Variants in FAT1 observed in about 807,000 individuals in gnomAD.
The protein encoded by FAT1 is protocadherin Fat 1.
Under a neutral mutation model 329.8 loss-of-function variants are expected in FAT1, and 171 were observed. That is an observed-to-expected ratio of 0.52 (90% CI 0.46 to 0.59). The LOEUF (loss-of-function observed/expected upper bound fraction) is 0.59, where lower values mean the gene tolerates loss of function less well. Among genes scored for constraint, FAT1 ranks in the 20% least tolerant of loss-of-function variants. The pLI is 0.00. For synonymous variants in FAT1, 2,233 were observed against 2,228.6 expected (o/e 1.00, Z -0.06); for missense variants, 5,672 against 5,774.4 (o/e 0.98, Z 0.57).
At chr4:186,705,857 C>T (rs73015656) in intron 2 of FAT1, among the ~76,000 whole-genome samples, 31,813 of 152,082 alleles carry the variant, frequency 0.21, 4,120 homozygotes, top group African/African-American at 0.36. Flanking sequence ...GGAGTTTTCC[C>T]GTGTTATTTC....
At position 186,709,183 on chromosome 4, in the gene FAT1, G is replaced by T. The variant is rs1401098831; in HGVS notation, c.645C>A (p.Thr215=). ...CGAGGATTTCCATCTCATAGAGCTTGGTCTCTAGGTAATCAAGTCTACCAG... is the reference window on the plus strand; with the variant it reads ...CGAGGATTTCCATCTCATAGAGCTTTGTCTCTAGGTAATCAAGTCTACCAG... ...VLTGRLDYLE[T]KLYEMEILAA... Residue 215 remains threonine, a synonymous_variant, in exon 2 of 27, where the codon ACC becomes ACA. Transcript: ENST00000441802. 1.5e-5 allele frequency: 25 copies of T among 1,613,832 alleles called. No individual in the cohort carries two copies. Among genetic ancestry groups the T allele is most frequent in the Non-Finnish European group, 2.1e-5 (25 of 1,179,882 alleles).
intron 3 of FAT1, among the ~76,000 whole-genome samples, chr4:186,647,114 T>C (rs998603179): frequency 6.6e-6 from 1 of 152,188 alleles, no homozygotes; most frequent in Admixed American, 6.5e-5. Context: ...ATGAGAGACA[T>C]ATACGAAAGC....
chr4:186,604,805 A>G (rs1300485724), intron 17 of FAT1, among the ~76,000 whole-genome samples: 3 of 150,438 alleles, frequency 2.0e-5, no homozygotes, highest in South Asian at 4.2e-4. Context: ...GAAACATGGT[A>G]AGAAAGGGAG....
At chr4:186,699,949 T>C (rs958031830) in intron 2 of FAT1, among the ~76,000 whole-genome samples, 1 of 152,142 alleles carries the variant, frequency 6.6e-6, no homozygotes, top group African/African-American at 2.4e-5. Flanking sequence ...ACATTAAACC[T>C]CTACACACAC....
chr4:186,699,072 C>T (rs1163682151), intron 2 of FAT1, among the ~76,000 whole-genome samples: 5 of 152,120 alleles, frequency 3.3e-5, no homozygotes, highest in African/African-American at 1.2e-4. Flanking sequence ...CTAATTGTGA[C>T]AATCTAGTGA....
At chr4:186,599,346 C>A (rs1271099966) in intron 22 of FAT1, among the ~76,000 whole-genome samples, 2 of 152,102 alleles carry the variant, frequency 1.3e-5, no homozygotes, top group Non-Finnish European at 2.9e-5. Flanking sequence ...CCTAACTGTA[C>A]CCTATTATTG....
At chr4:186,653,042 A>G (rs1329267565) in intron 3 of FAT1, among the ~76,000 whole-genome samples, 2 of 152,224 alleles carry the variant, frequency 1.3e-5, no homozygotes, top group African/African-American at 4.8e-5. Context: ...AAAACAGAAC[A>G]CTGTATAACG....
chr4:186,635,889 G>C lies in FAT1; in HGVS notation c.4183+136C>G, dbSNP rs1356424721. ...AAAATTTTGCAATCAAAATATTATA[G>C]TTGAAAGCAAATTCTCCACCTGTCG... On this transcript the variant is annotated intron_variant, in intron 6 of 26. Coordinates refer to ENST00000441802, the MANE Select transcript of FAT1 (RefSeq NM_005245.4). The C allele has an allele frequency of 1.2e-5, 9 of 745,234 alleles. No individual in the cohort carries two copies. The East Asian group carries it at 1.9e-4, about 16-fold the overall frequency. The allele number at this position is 745,234 out of a possible 1,614,324, so 46.2% of individuals were successfully genotyped here.
intron 20 of FAT1, among the ~76,000 whole-genome samples, chr4:186,602,181 T>C (rs183458526): frequency 1.3e-5 from 2 of 152,288 alleles, no homozygotes; most frequent in African/African-American, 4.8e-5. Context: ...GGGGAATTTG[T>C]TTTATAATCG....
chr4:186,677,547 A>C (rs1433187925), intron 2 of FAT1, among the ~76,000 whole-genome samples: 1 of 151,694 alleles, frequency 6.6e-6, no homozygotes, highest in Non-Finnish European at 1.5e-5. Context: ...CTAATTTTAT[A>C]TATGTTTTGA....
In FAT1 at chr4:186,619,733, G is replaced by C. The variant is rs1441348851; in HGVS notation, c.6853C>G (p.Gln2285Glu). The part of the protein sequence containing the change: ...DINDNPPVFA[Q>E]QSYAVTLSEA... ...GACAGGGTCACCGCATAAGACTGCT[G>C]AGCAAACACAGGAGGGTTATCATTG... The change falls in exon 10 of 27, where the codon CAG (glutamine) becomes GAG (glutamate). Residue 2285 changes from glutamine (Q) to glutamate (E), a missense_variant. Gln to Glu is a conservative substitution (Grantham distance 29). Transcript: ENST00000441802. The C allele has an allele frequency of 3.1e-6, 5 of 1,614,006 alleles. No individual in the cohort carries two copies. The South Asian group carries it at 4.4e-5, about 14-fold the overall frequency.
chr4:186,628,822 T>TA, intron 7 of FAT1, 59 bp from the exon 8 acceptor site: 1 of 1,509,436 alleles, frequency 6.6e-7, no homozygotes, highest in South Asian at 1.3e-5. Flanking sequence ...TTTTAATACT[T>TA]AAAGAACCAT....
intron 1 of FAT1, among the ~76,000 whole-genome samples, chr4:186,712,009 A>G (rs1284272502): frequency 6.6e-6 from 1 of 152,204 alleles, no homozygotes; most frequent in Admixed American, 6.5e-5. Flanking sequence ...TTTAGGAGAC[A>G]TTTTTACCAT....
chr4:186,588,598 T>A lies in FAT1; in HGVS notation c.13761A>T (p.Glu4587Asp), dbSNP rs2126346485. ...IPPLDSQQHT[E>D]V ...CTTTGGGGGGAGTTGAGAGTCAGAC[T>A]TCCGTGTGCTGCTGGGAATCCAGGG... The change falls in exon 27 of 27, where the codon GAA becomes GAT. Residue 4587 changes from glutamate to aspartate, a missense_variant. By Grantham distance (45) the Glu-to-Asp change is conservative (BLOSUM62 2). Coordinates refer to ENST00000441802, the MANE Select transcript of FAT1 (RefSeq NM_005245.4). The A allele has an allele frequency of 1.9e-6, 3 of 1,609,096 alleles. No homozygotes were observed. Among genetic ancestry groups the A allele is most frequent in the Non-Finnish European group, 1.7e-6 (2 of 1,177,426 alleles).
At chr4:186,656,550 A>G (rs1189440285) in intron 3 of FAT1, among the ~76,000 whole-genome samples, 1 of 152,232 alleles carries the variant, frequency 6.6e-6, no homozygotes, top group African/African-American at 2.4e-5. Context: ...CCACACATAC[A>G]CATACATCAC....
chr4:186,639,480 G>A (rs1197103181), intron 4 of FAT1, among the ~76,000 whole-genome samples: 1 of 152,180 alleles, frequency 6.6e-6, no homozygotes, highest in East Asian at 1.9e-4. Flanking sequence ...AAAATACAAA[G>A]ATCTGAATCC....
At chr4:186,684,839 G>C (rs996299552) in intron 2 of FAT1, among the ~76,000 whole-genome samples, 3 of 152,162 alleles carry the variant, frequency 2.0e-5, no homozygotes, top group Non-Finnish European at 4.4e-5. Flanking sequence ...AGGAGGCGTG[G>C]TTTTCATTTG....
At chr4:186,607,556 T>C (rs1387360854) in intron 16 of FAT1, among the ~76,000 whole-genome samples, 2 of 151,294 alleles carry the variant, frequency 1.3e-5, no homozygotes, top group Admixed American at 6.6e-5. Context: ...GATAACTGGA[T>C]AGATGGGTGG....
intron 11 of FAT1, among the ~76,000 whole-genome samples, chr4:186,615,554 C>A (rs963679426): frequency 2.0e-5 from 3 of 152,120 alleles, no homozygotes; most frequent in Non-Finnish European, 4.4e-5. Context: ...CTCTGATCTG[C>A]CATCAGGCAT....
Sources: allele counts gnomAD v4.1 joint callset (sites outside exome capture counted in the v4.1 genomes callset), GRCh38; gene constraint gnomAD v4.1.1; transcripts MANE v1.5; gene names NCBI Gene and HGNC (gene_info 2026-07-23, HGNC 2026-07-21).